SNX29: variants seen among roughly 807,000 people sequenced by gnomAD.
SNX29 encodes sorting nexin 29.
In SNX29, 78 loss-of-function variants were observed where a neutral mutation model predicts 102.1. That is an observed-to-expected ratio of 0.76 (90% CI 0.64 to 0.92). The LOEUF is 0.92. SNX29 is among the 40% of genes least tolerant of loss of function. The pLI, the probability that SNX29 is intolerant of heterozygous loss-of-function variation, is 0.00. For missense variants in SNX29, 1,280 were observed against 1,061.7 expected, an observed-to-expected ratio of 1.21 and a Z score of -2.86; for synonymous variants, 580 against 414.5, an observed-to-expected ratio of 1.40 and a Z score of -4.85.
intron 19 of SNX29, among the ~76,000 whole-genome samples, chr16:12,503,124 C>T (rs566278643): frequency 8.6e-5 from 13 of 151,672 alleles, no homozygotes; most frequent in East Asian, 3.9e-4. Context: ...CCCCCAGGGT[C>T]GCCTCAACTG....
intron 17 of SNX29, among the ~76,000 whole-genome samples, chr16:12,399,207 C>A (rs538722337): frequency 1.3e-5 from 2 of 152,264 alleles, no homozygotes; most frequent in South Asian, 2.1e-4. Context: ...CACACCACCA[C>A]GCCTGGCTAA....
At chr16:12,502,481 A>T (rs780468430) in intron 19 of SNX29, among the ~76,000 whole-genome samples, 1 of 152,052 alleles carries the variant, frequency 6.6e-6, no homozygotes, top group Non-Finnish European at 1.5e-5. Context: ...TTCCTGACCA[A>T]AATGCCCTTT....
At chr16:12,363,840 C>G (rs1397035473) in intron 16 of SNX29, among the ~76,000 whole-genome samples, 8 of 152,282 alleles carry the variant, frequency 5.3e-5, no homozygotes, top group Admixed American at 3.9e-4. Context: ...TTGCATTATA[C>G]TTGTGGGTTG....
chr16:12,039,595 G>A (rs2057571558), intron 4 of SNX29, among the ~76,000 whole-genome samples: 1 of 152,144 alleles, frequency 6.6e-6, no homozygotes, highest in African/African-American at 2.4e-5. Context: ...CTGGAAGGCA[G>A]GTTCAAAGCC....
In SNX29 at chr16:12,013,292, C is replaced by T. The variant is rs140627677; in HGVS notation, c.122+10249C>T. On this transcript the variant is annotated intron_variant, in intron 3 of 20. Coordinates refer to ENST00000566228, the MANE Select transcript of SNX29 (RefSeq NM_032167.5). ...GTCAAGGAAATGCAAATTAAAGCAA[C>T]AGTGAGCTGCCTACTTTTCACCCAT... 3.6e-4 allele frequency among the ~76,000 whole-genome samples: 54 copies of T among 151,012 alleles called. 1 individual carries two copies. The East Asian group carries it at 9.9e-3, about 28-fold the overall frequency.
intron 1 of SNX29, 80 bp downstream of exon 1, chr16:11,976,893 G>A (rs1010737230): frequency 2.8e-5 from 36 of 1,285,492 alleles, no homozygotes; most frequent in Non-Finnish European, 3.4e-5. Context: ...CGGCCCCTGC[G>A]TCCTCGCGCC....
At chr16:12,268,309 C>T (rs576084801) in intron 14 of SNX29, among the ~76,000 whole-genome samples, 4 of 152,254 alleles carry the variant, frequency 2.6e-5, no homozygotes, top group African/African-American at 9.6e-5. Flanking sequence ...GTGCCTGGTA[C>T]CTGGCAGGTA....
chr16:12,278,484 AC>A (rs2079327966), intron 15 of SNX29, among the ~76,000 whole-genome samples: 5 of 152,098 alleles, frequency 3.3e-5, no homozygotes, highest in Admixed American at 3.3e-4. Context: ...GAAAAAAAAA[AC>A]CAAAACATTT....
At chr16:12,187,159 A>G (rs563694236) in intron 13 of SNX29, among the ~76,000 whole-genome samples, 4 of 152,310 alleles carry the variant, frequency 2.6e-5, no homozygotes, top group Admixed American at 6.5e-5. Context: ...CACATTCTCT[A>G]CTTTGCTGTG....
intron 16 of SNX29, among the ~76,000 whole-genome samples, chr16:12,395,239 G>A (rs2083676811): frequency 6.6e-6 from 1 of 152,196 alleles, no homozygotes; most frequent in Non-Finnish European, 1.5e-5. Flanking sequence ...GTGGGCCTGT[G>A]TCAGAGTTCC....
At chr16:12,000,199 G>T (rs996167471) in intron 2 of SNX29, 2 of 153,416 alleles carry the variant, frequency 1.3e-5, no homozygotes, top group South Asian at 2.1e-4. Flanking sequence ...TCTGCTTGCC[G>T]CATGTACCAG....
intron 3 of SNX29, among the ~76,000 whole-genome samples, chr16:12,026,832 G>C (rs1422492944): frequency 1.3e-5 from 2 of 152,128 alleles, no homozygotes; most frequent in African/African-American, 4.8e-5. Context: ...TTTAGAGCAT[G>C]TAACAGGCCA....
chr16:12,338,499 A>G (rs1479723043), intron 15 of SNX29, among the ~76,000 whole-genome samples: 4 of 152,190 alleles, frequency 2.6e-5, no homozygotes, highest in African/African-American at 7.2e-5. Flanking sequence ...AGGTTCCCAC[A>G]AGGGGTGTCA....
rs951855365 is a variant in SNX29 at position 12,098,703 on chromosome 16, C to T, written c.1402+19788C>T. ...GTCACCTCCTCCAGACAGACAGACACGTGAAGATCAAGAGGCTAGCTTTGT... is the reference window on the plus strand; with the variant it reads ...GTCACCTCCTCCAGACAGACAGACATGTGAAGATCAAGAGGCTAGCTTTGT... On this transcript the variant is annotated intron_variant, in intron 11 of 20. Coordinates refer to ENST00000566228, the MANE Select transcript of SNX29 (RefSeq NM_032167.5). The surrounding 1 kb of genome is among the most constrained non-coding windows in gnomAD (Gnocchi z 6.0). Among the ~76,000 whole-genome samples the T allele has an allele frequency of 2.6e-5, 4 of 152,196 alleles. No homozygotes were observed. The highest frequency in any genetic ancestry group is 1.3e-4 in the Admixed American group (2 of 15,284).
At chr16:12,473,719 G>A (rs753299823) in intron 18 of SNX29, among the ~76,000 whole-genome samples, 30 of 152,258 alleles carry the variant, frequency 2.0e-4, no homozygotes, top group Middle Eastern at 6.8e-3. Flanking sequence ...TAAAGAAGAC[G>A]GCTAAAACCC....
At chr16:11,999,259 G>C in intron 1 of SNX29, 38 bp from the exon 2 acceptor site, 1 of 1,607,184 alleles carries the variant, frequency 6.2e-7, no homozygotes, top group Non-Finnish European at 8.5e-7. Flanking sequence ...CCGTGTCCGA[G>C]CGTCAGAGAG....
intron 11 of SNX29, chr16:12,094,013 G>T (rs2052667579): frequency 6.6e-6 from 1 of 152,140 alleles, no homozygotes; most frequent in African/African-American, 2.4e-5. Context: ...TGTTCTGCTT[G>T]CTGATGTTAA....
intron 11 of SNX29, among the ~76,000 whole-genome samples, chr16:12,107,439 G>T (rs970032560): frequency 4.0e-5 from 6 of 151,776 alleles, no homozygotes; most frequent in African/African-American, 1.5e-4. Context: ...GGTTGAGGCA[G>T]GAGGATCACC....
intron 20 of SNX29, among the ~76,000 whole-genome samples, chr16:12,550,129 T>G (rs781629753): frequency 6.6e-6 from 1 of 152,222 alleles, no homozygotes. Flanking sequence ...CACTCACATG[T>G]AAAGGGAATA....
Sources: allele counts gnomAD v4.1 joint callset (sites outside exome capture counted in the v4.1 genomes callset), GRCh38; gene constraint gnomAD v4.1.1; non-coding constraint Gnocchi (gnomAD v3.1); transcripts MANE v1.5; gene names NCBI Gene and HGNC (gene_info 2026-07-23, HGNC 2026-07-21).